The following LRP1B variants were observed in gnomAD, a reference collection of about 807,000 sequenced individuals.
LRP1B encodes the protein low-density lipoprotein receptor-related protein 1B.
In LRP1B, 217 loss-of-function variants were observed where a neutral mutation model predicts 556.6. The ratio of observed to expected loss-of-function variants is 0.39; its 90% CI spans 0.35 to 0.44. The LOEUF (loss-of-function observed/expected upper bound fraction) is 0.44, where lower values mean the gene tolerates loss of function less well. LRP1B is among the 20% of genes least tolerant of loss of function. The pLI is 1.00. For missense variants in LRP1B, 5,053 were observed against 5,620.8 expected, an observed-to-expected ratio of 0.90 and a Z score of 3.23; for synonymous variants, 2,047 against 1,865.8, an observed-to-expected ratio of 1.10 and a Z score of -2.50.
chr2:140,980,290 C>T (rs1312405805), intron 18 of LRP1B, among the ~76,000 whole-genome samples: 1 of 151,966 alleles, frequency 6.6e-6, no homozygotes. Context: ...AATGAGTATG[C>T]TCACTGTGGA....
chr2:140,333,074 T>A lies in LRP1B; in HGVS notation c.12223+1379A>T, dbSNP rs148449306. On this transcript the variant is annotated intron_variant, in intron 79 of 90. Transcript: ENST00000389484. Reference sequence around the variant, plus strand: ...CCTCATATCTTCCATTCTCTTGAATTGTTTCTATGCTTCTGGGCATACTCA... The same window carrying A: ...CCTCATATCTTCCATTCTCTTGAATAGTTTCTATGCTTCTGGGCATACTCA... 2.1e-3 allele frequency among the ~76,000 whole-genome samples: 326 copies of A among 152,218 alleles called. 2 individuals are homozygous for A. The highest frequency in any genetic ancestry group is 7.6e-3 in the African/African-American group (315 of 41,562).
chr2:140,831,799 T>C (rs1403086353), intron 31 of LRP1B, among the ~76,000 whole-genome samples: 1 of 152,090 alleles, frequency 6.6e-6, no homozygotes, highest in African/African-American at 2.4e-5. Context: ...AACCAAAATA[T>C]ATAAGGAACT....
intron 3 of LRP1B, among the ~76,000 whole-genome samples, chr2:141,320,560 A>G (rs78123073): frequency 0.04 from 6,125 of 152,166 alleles, 155 homozygotes; most frequent in Middle Eastern, 0.095. Flanking sequence ...TCTGGGAGCT[A>G]GTGCATGCAA....
chr2:141,862,546 T>G (rs1487703154), intron 1 of LRP1B, among the ~76,000 whole-genome samples: 1 of 152,150 alleles, frequency 6.6e-6, no homozygotes, highest in African/African-American at 2.4e-5. Flanking sequence ...GTAGCTGGGA[T>G]TATAGGCATG....
chr2:141,563,740 G>A (rs1574082826), intron 2 of LRP1B, among the ~76,000 whole-genome samples: 1 of 152,058 alleles, frequency 6.6e-6, no homozygotes, highest in African/African-American at 2.4e-5. Context: ...GGTTGCAGCT[G>A]GAGGCCATTA....
At chr2:141,989,630 G>GA (rs1372815837) in intron 1 of LRP1B, among the ~76,000 whole-genome samples, 1 of 152,020 alleles carries the variant, frequency 6.6e-6, no homozygotes, top group Non-Finnish European at 1.5e-5. Context: ...ACCAGGTAGA[G>GA]AAAACTGAAT....
At chr2:141,995,412 A>T (rs1333723684) in intron 1 of LRP1B, among the ~76,000 whole-genome samples, 2 of 151,872 alleles carry the variant, frequency 1.3e-5, no homozygotes, top group African/African-American at 2.4e-5. Flanking sequence ...TCTGCTTCTG[A>T]CTCTGACTCT....
At chr2:140,688,728 C>A (rs1686135879) in intron 41 of LRP1B, among the ~76,000 whole-genome samples, 2 of 152,164 alleles carry the variant, frequency 1.3e-5, no homozygotes, top group South Asian at 4.1e-4. Flanking sequence ...TATAAAATAT[C>A]TTCACATATT....
At chr2:140,473,384 C>A (rs569401629) in intron 60 of LRP1B, among the ~76,000 whole-genome samples, 1 of 151,860 alleles carries the variant, frequency 6.6e-6, no homozygotes, top group South Asian at 2.1e-4. Context: ...TCATACTAGA[C>A]TATCTTTCAG....
At chr2:140,702,586 G>A (rs755620018) in intron 37 of LRP1B, 33 bp from the exon 38 acceptor site, 1 of 1,605,880 alleles carries the variant, frequency 6.2e-7, no homozygotes. Context: ...TAGTGTTTAT[G>A]TACATTTATT....
chr2:140,954,080 C>T (rs1010741184), intron 18 of LRP1B, among the ~76,000 whole-genome samples: 3 of 152,126 alleles, frequency 2.0e-5, no homozygotes, highest in Non-Finnish European at 2.9e-5. Flanking sequence ...CTAAATATTT[C>T]CACTATTTTA....
At chr2:140,356,513 C>A (rs1234188212) in intron 74 of LRP1B, 37 bp from the exon 75 acceptor site, 2 of 1,465,002 alleles carry the variant, frequency 1.4e-6, no homozygotes, top group South Asian at 1.2e-5. Flanking sequence ...TAATATAATT[C>A]TAATTCCTGA....
At chr2:141,396,809 C>G (rs931139545) in intron 3 of LRP1B, among the ~76,000 whole-genome samples, 3 of 152,104 alleles carry the variant, frequency 2.0e-5, no homozygotes, top group African/African-American at 7.2e-5. Context: ...AGAAGATACA[C>G]AGACCAGACA....
At chr2:140,388,847 C>T (rs1683883817) in intron 66 of LRP1B, among the ~76,000 whole-genome samples, 1 of 152,100 alleles carries the variant, frequency 6.6e-6, no homozygotes, top group Non-Finnish European at 1.5e-5. Context: ...CAAACCATAT[C>T]CCATATCAAA....
intron 18 of LRP1B, 44 bp downstream of exon 18, chr2:140,982,116 T>C (rs1696787405): frequency 2.1e-6 from 3 of 1,457,692 alleles, no homozygotes; most frequent in East Asian, 4.5e-5. Context: ...GGGTATCCTA[T>C]CTGACACAAT....
At chr2:140,975,697 T>C (rs971984221) in intron 18 of LRP1B, among the ~76,000 whole-genome samples, 4 of 152,160 alleles carry the variant, frequency 2.6e-5, no homozygotes, top group African/African-American at 4.8e-5. Flanking sequence ...ACAATAATTA[T>C]ATTTCATGTC....
intron 1 of LRP1B, among the ~76,000 whole-genome samples, chr2:142,017,198 C>G (rs1319628348): frequency 6.6e-6 from 1 of 152,006 alleles, no homozygotes; most frequent in Non-Finnish European, 1.5e-5. Flanking sequence ...AACATTGGCA[C>G]TCAATCATCT....
At chr2:141,029,677 C>T (rs976581791) in intron 11 of LRP1B, among the ~76,000 whole-genome samples, 2 of 152,100 alleles carry the variant, frequency 1.3e-5, no homozygotes, top group African/African-American at 4.8e-5. Flanking sequence ...CCTGAGACTC[C>T]CGGGCAGGGT....
At chr2:141,247,470 T>G (rs1558958323) in intron 4 of LRP1B, 116 bp from the exon 5 acceptor site, 1 of 1,181,122 alleles carries the variant, frequency 8.5e-7, no homozygotes, top group Non-Finnish European at 1.2e-6. Context: ...AAAAGCCAAT[T>G]CCAATAAGTC....
Sources: allele counts gnomAD v4.1 joint callset (sites outside exome capture counted in the v4.1 genomes callset), GRCh38; gene constraint gnomAD v4.1.1; transcripts MANE v1.5; gene names NCBI Gene and HGNC (gene_info 2026-07-23, HGNC 2026-07-21).